RIN2: variants seen among roughly 807,000 people sequenced by gnomAD.
The protein encoded by RIN2 is RAB5 interacting protein 2.
RIN2 carries 36 observed loss-of-function variants against 78.0 expected under a neutral mutation model. The observed-to-expected ratio is 0.46, with a 90% CI of 0.35 to 0.61. The LOEUF is 0.61. Among genes scored for constraint, RIN2 ranks in the 20% least tolerant of loss-of-function variants. RIN2 has a pLI of 0.00. For missense variants in RIN2, 1,087 were observed against 1,159.7 expected (o/e 0.94, Z 0.91); for synonymous variants, 466 against 466.8 (o/e 1.00, Z 0.02).
intron 2 of RIN2, among the ~76,000 whole-genome samples, chr20:19,866,541 C>T (rs1244419577): frequency 6.6e-6 from 1 of 152,074 alleles, no homozygotes; most frequent in East Asian, 1.9e-4. Context: ...AACACATAGC[C>T]ATATATGCTT....
intron 2 of RIN2, among the ~76,000 whole-genome samples, chr20:19,871,534 A>G (rs1437686433): frequency 6.6e-6 from 1 of 152,218 alleles, no homozygotes; most frequent in Non-Finnish European, 1.5e-5. Flanking sequence ...ATCATGCACT[A>G]TGTGGTTTCA....
At chr20:19,987,513 T>C (rs2042657900) in intron 9 of RIN2, among the ~76,000 whole-genome samples, 1 of 152,368 alleles carries the variant, frequency 6.6e-6, no homozygotes, top group South Asian at 2.1e-4. Flanking sequence ...CCATTAGTCA[T>C]CTCTGAGCCT....
chr20:19,824,933 A>G (rs1006230753), intron 2 of RIN2, among the ~76,000 whole-genome samples: 2 of 152,092 alleles, frequency 1.3e-5, no homozygotes, highest in East Asian at 3.9e-4. Flanking sequence ...GATGGCTCTC[A>G]GTGGCCCTCT....
chr20:19,975,157 A>G lies in RIN2; in HGVS notation c.1132A>G (p.Ser378Gly). ...AGCAGAGGGCGGTGCAAAGACCTTGAGCGGCGGCCGGCCGGGCGCAGGCCC... is the reference window on the plus strand; with the variant it reads ...AGCAGAGGGCGGTGCAAAGACCTTGGGCGGCGGCCGGCCGGGCGCAGGCCC... Reference protein sequence around the residue: ...LEAEGGAKTLSGGRPGAGPEL... With the variant: ...LEAEGGAKTLGGGRPGAGPEL... Residue 378 changes from serine to glycine, a missense_variant, in exon 9 of 13, where the codon AGC becomes GGC. By Grantham distance (56) the Ser-to-Gly change is moderately conservative (BLOSUM62 0). Coordinates refer to ENST00000255006, the MANE Select transcript of RIN2 (RefSeq NM_018993.4). The surrounding 1 kb of genome is among the most constrained non-coding windows in gnomAD (Gnocchi z 4.9). 8.1e-6 allele frequency: 13 copies of G among 1,612,416 alleles called. No homozygotes were observed. Among genetic ancestry groups the G allele is most frequent in the Non-Finnish European group, 1.1e-5 (13 of 1,179,642 alleles).
At chr20:19,996,046 T>G (rs2042951186) in intron 11 of RIN2, among the ~76,000 whole-genome samples, 1 of 152,118 alleles carries the variant, frequency 6.6e-6, no homozygotes, top group African/African-American at 2.4e-5. Flanking sequence ...CTGGGCATGG[T>G]GGTCATGCCT....
chr20:19,775,606 C>T (rs898935159), intron 1 of RIN2, among the ~76,000 whole-genome samples: 1 of 152,226 alleles, frequency 6.6e-6, no homozygotes, highest in Non-Finnish European at 1.5e-5. Flanking sequence ...TTATTGTATA[C>T]TTACACCAGT....
intron 2 of RIN2, among the ~76,000 whole-genome samples, chr20:19,842,006 A>G (rs1024398705): frequency 3.3e-5 from 5 of 152,230 alleles, no homozygotes; most frequent in African/African-American, 9.6e-5. Context: ...AGAGAAGTCA[A>G]TGCTTGGCTT....
At chr20:19,779,347 G>A (rs2034418621) in intron 1 of RIN2, among the ~76,000 whole-genome samples, 1 of 152,126 alleles carries the variant, frequency 6.6e-6, no homozygotes, top group Non-Finnish European at 1.5e-5. Context: ...TACTTACTGA[G>A]TGCTACCATG....
chr20:19,788,439 A>AAAAAAAAAAAAAAAAAAACC (rs1555818733), intron 1 of RIN2, among the ~76,000 whole-genome samples: 9 of 133,032 alleles, frequency 6.8e-5, no homozygotes, highest in African/African-American at 1.6e-4. Flanking sequence ...TGCCAAAAAA[A>AAAAAAAAAAAAAAAAAAACC]AAAAAAAAAA....
Position 19,973,945 on chromosome 20 carries a change from G to A in RIN2, c.629-709G>A, listed in dbSNP as rs148001651. 4.0e-3 allele frequency among the ~76,000 whole-genome samples: 611 copies of A among 152,276 alleles called. 9 individuals carry two copies. In the South Asian group the frequency reaches 0.048, roughly 12 times the overall value. On this transcript the variant is annotated intron_variant, in intron 8 of 12. Coordinates refer to ENST00000255006, the MANE Select transcript of RIN2 (RefSeq NM_018993.4). ...ATCAATAAGCAATCTGCACTACTTC[G>A]CAGAGCATTGCATATTTATGAGCAT...
chr20:19,819,708 T>C (rs2035874562), intron 2 of RIN2, among the ~76,000 whole-genome samples: 1 of 152,144 alleles, frequency 6.6e-6, no homozygotes, highest in African/African-American at 2.4e-5. Flanking sequence ...CTAATTCTTT[T>C]ATTTTTGTAG....
At chr20:19,924,373 C>CCCCA in intron 3 of RIN2, among the ~76,000 whole-genome samples, 1 of 24,652 alleles carries the variant, frequency 4.1e-5, no homozygotes, top group Non-Finnish European at 7.5e-5. Context: ...CACCTTCATA[C>CCCCA]CCTCACCTTC....
chr20:19,871,053 G>T (rs1350125419), intron 2 of RIN2, among the ~76,000 whole-genome samples: 1 of 152,160 alleles, frequency 6.6e-6, no homozygotes, highest in Non-Finnish European at 1.5e-5. Flanking sequence ...AAAATTCCTA[G>T]CTGATTCAAG....
intron 3 of RIN2, among the ~76,000 whole-genome samples, chr20:19,898,801 A>C (rs2038853285): frequency 6.6e-6 from 1 of 152,250 alleles, no homozygotes; most frequent in African/African-American, 2.4e-5. Context: ...CCAGCATGGC[A>C]ATGAAAGGAC....
chr20:19,897,239 G>C (rs1206445313), intron 3 of RIN2, among the ~76,000 whole-genome samples: 19 of 152,126 alleles, frequency 1.2e-4, no homozygotes, highest in Admixed American at 1.2e-3. Context: ...CTGAGTAGCT[G>C]GGATTACAGA....
chr20:20,000,575 C>A (rs1331397890), intron 12 of RIN2, 38 bp from the exon 13 acceptor site: 1 of 1,515,950 alleles, frequency 6.6e-7, no homozygotes, highest in South Asian at 1.3e-5. Context: ...ATCTAGTTTT[C>A]TCTTCTGACT....
At chr20:19,934,550 C>G (rs2040559749) in intron 3 of RIN2, 1 of 984,950 alleles carries the variant, frequency 1.0e-6, no homozygotes, top group Non-Finnish European at 1.2e-6. Context: ...TCCCTTTCCC[C>G]AACAATCTTC....
intron 2 of RIN2, among the ~76,000 whole-genome samples, chr20:19,832,125 G>A (rs894252822): frequency 2.6e-5 from 4 of 151,808 alleles, no homozygotes; most frequent in African/African-American, 7.3e-5. Context: ...GTGACTGGCC[G>A]AGGGCACCAC....
At chr20:19,898,436 A>T (rs2038835269) in intron 3 of RIN2, among the ~76,000 whole-genome samples, 1 of 152,240 alleles carries the variant, frequency 6.6e-6, no homozygotes, top group Admixed American at 6.5e-5. Context: ...AAGTTAAAAT[A>T]TGACTCTTGT....
Sources: allele counts gnomAD v4.1 joint callset (sites outside exome capture counted in the v4.1 genomes callset), GRCh38; gene constraint gnomAD v4.1.1; non-coding constraint Gnocchi (gnomAD v3.1); transcripts MANE v1.5; gene names NCBI Gene and HGNC (gene_info 2026-07-23, HGNC 2026-07-21).